WDR88: variants seen among roughly 807,000 people sequenced by gnomAD.
WDR88 encodes the protein WD repeat domain 88, also known as WD repeat-containing protein 88.
WDR88 carries 40 observed loss-of-function variants against 46.8 expected under a neutral mutation model. The ratio of observed to expected loss-of-function variants is 0.86; its 90% CI spans 0.66 to 1.11. WDR88 has a LOEUF of 1.11. WDR88 is among the 50% of genes most tolerant of loss of function. The pLI is 0.00. For synonymous variants in WDR88, 235 were observed against 240.7 expected (o/e 0.98, Z 0.22); for missense variants, 562 against 602.4 (o/e 0.93, Z 0.70).
At position 33,151,184 on chromosome 19, in the gene WDR88, A is replaced by G; in HGVS notation, c.683A>G (p.His228Arg). 6.2e-7 allele frequency: 1 copy of G among 1,613,440 alleles called. No individual in the cohort carries two copies. The highest frequency in any genetic ancestry group is 8.5e-7 in the Non-Finnish European group (1 of 1,179,682). ...NITTVSVIKD[H>R]HTRSITSCCF... The stretch of plus-strand genomic sequence containing the variant: ...CCCTTTCCTCCGTGTTCTGCAGATC[A>G]TCACACAAGGTCCATCACGTCATGC... Residue 228 changes from histidine to arginine, a missense_variant, in exon 6 of 11, where the codon CAT (histidine) becomes CGT (arginine). Physicochemically the swap from His to Arg is conservative, Grantham distance 29. Transcript: ENST00000355868.
intron 1 of WDR88, among the ~76,000 whole-genome samples, chr19:33,133,178 AATAAATAAATAAATAAATAT>A (rs893157021): frequency 2.8e-5 from 3 of 106,736 alleles, no homozygotes; most frequent in South Asian, 2.9e-4. Context: ...TAAATAAATA[AATAAATAAATAAATAAATAT>A]AGAGAGAGAG....
At chr19:33,148,028 G>A (rs1401715455) in intron 4 of WDR88, among the ~76,000 whole-genome samples, 2 of 151,968 alleles carry the variant, frequency 1.3e-5, no homozygotes, top group South Asian at 2.1e-4. Flanking sequence ...TGGGGTGTGG[G>A]GGCTGGTATT....
chr19:33,170,583 G>A (rs1474384744), intron 9 of WDR88, among the ~76,000 whole-genome samples: 1 of 151,998 alleles, frequency 6.6e-6, no homozygotes, highest in Non-Finnish European at 1.5e-5. Flanking sequence ...AATCTTGGCT[G>A]GGCACGGTGG....
At chr19:33,167,340 G>A (rs930292435) in intron 9 of WDR88, among the ~76,000 whole-genome samples, 9 of 151,994 alleles carry the variant, frequency 5.9e-5, no homozygotes, top group South Asian at 4.2e-4. Context: ...CACAGAAAAG[G>A]CATTTGAAAA....
At chr19:33,147,071 A>AAG (rs557493647) in intron 3 of WDR88, among the ~76,000 whole-genome samples, 1 of 150,264 alleles carries the variant, frequency 6.7e-6, no homozygotes, top group Non-Finnish European at 1.5e-5. Context: ...AAAAAAAAAA[A>AAG]AGAGAGAGAG....
intron 7 of WDR88, among the ~76,000 whole-genome samples, chr19:33,160,000 C>T (rs1395460397): frequency 5.9e-5 from 9 of 152,020 alleles, no homozygotes; most frequent in African/African-American, 1.2e-4. Context: ...CCCTCGCATC[C>T]GCAGTTCACA....
At chr19:33,174,988 A>G in intron 10 of WDR88, 4 of 985,012 alleles carry the variant, frequency 4.1e-6, no homozygotes, top group Non-Finnish European at 4.8e-6. Context: ...TAATCCCAGC[A>G]CTCTGGGCTG....
chr19:33,160,254 G>C (rs1973842446), intron 7 of WDR88, among the ~76,000 whole-genome samples, 160 bp from the exon 8 acceptor site: 1 of 152,140 alleles, frequency 6.6e-6, no homozygotes, highest in African/African-American at 2.4e-5. Flanking sequence ...ATAAGAATCA[G>C]CTGTAATTGG....
intron 5 of WDR88, among the ~76,000 whole-genome samples, chr19:33,150,118 CTTAAAA>C (rs1030829218): frequency 6.6e-6 from 1 of 152,084 alleles, no homozygotes; most frequent in South Asian, 2.1e-4. Flanking sequence ...TTACAATTAT[CTTAAAA>C]TTAAAGTTAA....
Position 33,173,475 on chromosome 19 carries a change from T to A in WDR88, c.1242+1035T>A, listed in dbSNP as rs149751820. Among the ~76,000 whole-genome samples, 72 of 152,382 alleles carry A rather than the reference T, an allele frequency of 4.7e-4. No individual in the cohort carries two copies. The East Asian group carries it at 9.8e-3, about 21-fold the overall frequency. On this transcript the variant is annotated intron_variant, in intron 10 of 10. Coordinates refer to ENST00000355868, the MANE Select transcript of WDR88 (RefSeq NM_173479.4). ...AGGCAACTCTCCGCTGGAGCCTCTC[T>A]GTGCACACACCTGGCTGCTGCCTTG...
At chr19:33,174,041 G>C in intron 10 of WDR88, 1 of 773,232 alleles carries the variant, frequency 1.3e-6, no homozygotes, top group South Asian at 1.7e-5. Context: ...TATTAGAGAC[G>C]GGGTTTCACC....
chr19:33,150,312 C>T (rs938750392), intron 5 of WDR88, among the ~76,000 whole-genome samples: 17 of 152,130 alleles, frequency 1.1e-4, no homozygotes, highest in South Asian at 2.1e-4. Flanking sequence ...ATTAGCCGGG[C>T]GTGGTGGCGG....
chr19:33,135,241 C>G (rs1973238618), intron 1 of WDR88, among the ~76,000 whole-genome samples: 1 of 152,200 alleles, frequency 6.6e-6, no homozygotes, highest in Non-Finnish European at 1.5e-5. Flanking sequence ...ATTCTGCTTT[C>G]TGTCCATAGA....
chr19:33,134,345 T>G (rs1425642073), intron 1 of WDR88, among the ~76,000 whole-genome samples: 1 of 151,840 alleles, frequency 6.6e-6, no homozygotes, highest in Non-Finnish European at 1.5e-5. Flanking sequence ...ATTTTTTAAA[T>G]TATTAATTTT....
chr19:33,162,754 C>T (rs941759569), intron 8 of WDR88, among the ~76,000 whole-genome samples: 1 of 152,118 alleles, frequency 6.6e-6, no homozygotes, highest in Admixed American at 6.6e-5. Context: ...GTGGCACACA[C>T]ATTTGTAGTC....
intron 7 of WDR88, among the ~76,000 whole-genome samples, chr19:33,158,948 C>T (rs984699007): frequency 6.6e-6 from 1 of 152,110 alleles, no homozygotes; most frequent in Non-Finnish European, 1.5e-5. Context: ...GATCTGCCTG[C>T]CTCAGCCTCC....
At chr19:33,137,620 T>C in intron 1 of WDR88, 57 bp from the exon 2 acceptor site, 4 of 1,396,802 alleles carry the variant, frequency 2.9e-6, no homozygotes, top group Non-Finnish European at 4.0e-6. Context: ...TTAACTGTTG[T>C]ACATTGATTT....
At position 33,148,850 on chromosome 19, in the gene WDR88, G is replaced by T. The variant is rs781080393; in HGVS notation, c.619G>T (p.Val207Leu). The T allele has an allele frequency of 1.2e-6, 2 of 1,614,090 alleles. No homozygotes were observed. The highest frequency in any genetic ancestry group is 1.3e-5 in the African/African-American group (1 of 75,022). The change falls in exon 5 of 11, where the codon GTG becomes TTG. Residue 207 changes from valine to leucine, a missense_variant. By Grantham distance (32) the Val-to-Leu change is conservative. Transcript: ENST00000355868. ...DGKYVVSGFD[V>L]DHGICIMDAE... ...TAAATACGTGGTCTCAGGCTTCGACGTGGATCATGGAATCTGCATAATGGA... is the reference window on the plus strand; with the variant it reads ...TAAATACGTGGTCTCAGGCTTCGACTTGGATCATGGAATCTGCATAATGGA...
chr19:33,174,896 C>G, intron 10 of WDR88: 1 of 985,402 alleles, frequency 1.0e-6, no homozygotes, highest in Non-Finnish European at 1.2e-6. Context: ...GGGGAAGCAG[C>G]CTGTGCTCAT....
Sources: allele counts gnomAD v4.1 joint callset (sites outside exome capture counted in the v4.1 genomes callset), GRCh38; gene constraint gnomAD v4.1.1; transcripts MANE v1.5; gene names NCBI Gene and HGNC (gene_info 2026-07-23, HGNC 2026-07-21).